Variants in ARHGEF9 observed in about 807,000 individuals in gnomAD.
ARHGEF9 encodes the protein rho guanine nucleotide exchange factor 9.
ARHGEF9 carries 2 observed loss-of-function variants against 41.3 expected under a neutral mutation model. The ratio of observed to expected loss-of-function variants is 0.05; its 90% confidence interval spans 0.02 to 0.15. The LOEUF is 0.15. Among genes scored for constraint, ARHGEF9 ranks in the 10% least tolerant of loss-of-function variants. The probability of loss-of-function intolerance (pLI) is 1.00; values close to 1 mark genes in which losing one functional copy is unlikely to be tolerated. For missense variants in ARHGEF9, 225 were observed against 424.7 expected, an observed-to-expected ratio of 0.53 and a Z score of 4.13; for synonymous variants, 160 against 154.4, an observed-to-expected ratio of 1.04 and a Z score of -0.27.
At chrX:63,753,464 C>T (rs781874868) in intron 1 of ARHGEF9, among the ~76,000 whole-genome samples, 2 of 110,744 alleles carry the variant, frequency 1.8e-5, no homozygotes, top group African/African-American at 3.3e-5. Flanking sequence ...TCATTGCAAA[C>T]GAGATTATCC....
intron 6 of ARHGEF9, among the ~76,000 whole-genome samples, chrX:63,667,918 G>A (rs1420651927): frequency 9.0e-6 from 1 of 110,851 alleles, no homozygotes; most frequent in Admixed American, 9.6e-5. Context: ...GCTGAGAGAG[G>A]TTCCCACCCT....
chrX:63,777,922 C>T (rs1426300837), intron 1 of ARHGEF9, among the ~76,000 whole-genome samples: 1 of 112,709 alleles, frequency 8.9e-6, no homozygotes, highest in African/African-American at 3.2e-5. Flanking sequence ...GCATTGAGTG[C>T]CCATGGCTTT....
intron 1 of ARHGEF9, among the ~76,000 whole-genome samples, chrX:63,775,105 C>A (rs1266412470): frequency 1.8e-5 from 2 of 112,136 alleles, no homozygotes; most frequent in Non-Finnish European, 3.8e-5. Context: ...TAGAGAAATG[C>A]AAATCAAAAC....
At chrX:63,754,742 G>C (rs1321826866) in intron 1 of ARHGEF9, 1 of 950,698 alleles carries the variant, frequency 1.1e-6, no homozygotes, top group Non-Finnish European at 1.3e-6. Flanking sequence ...AGTTTAGTCG[G>C]GGGAGGGGAG....
intron 1 of ARHGEF9, among the ~76,000 whole-genome samples, chrX:63,733,955 TAAC>T (rs1274547093): frequency 8.9e-6 from 1 of 112,609 alleles, no homozygotes; most frequent in Non-Finnish European, 1.9e-5. Flanking sequence ...CTGAGGCTAA[TAAC>T]AAAGAACAGC....
intron 1 of ARHGEF9, among the ~76,000 whole-genome samples, chrX:63,784,612 T>G (rs1477156439): frequency 8.9e-6 from 1 of 111,802 alleles, no homozygotes; most frequent in Non-Finnish European, 1.9e-5. Flanking sequence ...CTGGCCCTCA[T>G]GCTCTGGGGC....
intron 7 of ARHGEF9, among the ~76,000 whole-genome samples, chrX:63,663,033 T>C (rs1213247494): frequency 8.9e-6 from 1 of 111,765 alleles, no homozygotes; most frequent in African/African-American, 3.2e-5. Context: ...AGAATCCTTA[T>C]GAAAGTAGAG....
At chrX:63,724,396 AC>A (rs1389869484) in intron 2 of ARHGEF9, 135 bp downstream of exon 2, 18 of 685,708 alleles carry the variant, frequency 2.6e-5, no homozygotes, top group Non-Finnish European at 3.9e-5. Flanking sequence ...TCTGTATGAG[AC>A]AATTTTAAAA....
Position 63,678,457 on chromosome X carries a change from A to G in ARHGEF9, c.698T>C (p.Leu233Pro). Residue 233 changes from leucine (L) to proline (P), a missense_variant, in exon 5 of 10, where the codon CTC (leucine) becomes CCC (proline). By Grantham distance (98) the Leu-to-Pro change is moderately conservative (BLOSUM62 -3). Around this residue, in one of 3 missense-constraint regions of ARHGEF9, gnomAD observed 114 missense variants for 197.9 expected, o/e 0.58. Coordinates refer to ENST00000671741, the MANE Select transcript of ARHGEF9 (RefSeq NM_001353921.2). ...AGCAATGTCAATCATCTGCTGCAAGAGGCGACAGGCCTCAAAGAAGTGCTG... is the reference window on the plus strand; with the variant it reads ...AGCAATGTCAATCATCTGCTGCAAGGGGCGACAGGCCTCAAAGAAGTGCTG... The part of the protein sequence containing the change: ...RYQHFFEACR[L>P]LQQMIDIAID... The G allele has an allele frequency of 8.3e-7, 1 of 1,205,801 alleles. No homozygotes were observed. Among genetic ancestry groups the G allele is most frequent in the Non-Finnish European group, 1.1e-6 (1 of 892,276 alleles).
intron 1 of ARHGEF9, among the ~76,000 whole-genome samples, chrX:63,768,342 C>A (rs150078383): frequency 8.9e-6 from 1 of 112,071 alleles, no homozygotes; most frequent in Admixed American, 9.4e-5. Flanking sequence ...TAGTATTCCA[C>A]GGTGTTTATA....
At chrX:63,780,477 C>G (rs1267902574) in intron 1 of ARHGEF9, among the ~76,000 whole-genome samples, 1 of 110,897 alleles carries the variant, frequency 9.0e-6, no homozygotes, top group East Asian at 2.8e-4. Context: ...AGCAGACAAC[C>G]CTGAGTGCAA....
chrX:63,741,074 T>A (rs782366547), intron 1 of ARHGEF9, among the ~76,000 whole-genome samples: 2 of 112,817 alleles, frequency 1.8e-5, no homozygotes, highest in Admixed American at 9.3e-5. Flanking sequence ...TGTTATTTCA[T>A]TCCCAAGAAA....
chrX:63,737,347 G>A (rs1383993524), intron 1 of ARHGEF9, among the ~76,000 whole-genome samples: 4 of 112,159 alleles, frequency 3.6e-5, no homozygotes, highest in Non-Finnish European at 7.5e-5. Context: ...TGAGCCAGCT[G>A]TATTAAATTA....
intron 1 of ARHGEF9, among the ~76,000 whole-genome samples, chrX:63,749,282 A>G (rs1295686290): frequency 1.8e-5 from 2 of 111,055 alleles, no homozygotes; most frequent in African/African-American, 6.6e-5. Flanking sequence ...CCCAGGCTGG[A>G]GTGCAGTGGC....
intron 3 of ARHGEF9, among the ~76,000 whole-genome samples, chrX:63,701,166 A>T (rs1250920848): frequency 9.0e-6 from 1 of 111,175 alleles, no homozygotes; most frequent in Non-Finnish European, 1.9e-5. Context: ...AGATCTCCAG[A>T]AAAGATCCTA....
chrX:63,768,640 A>G (rs1398637836), intron 1 of ARHGEF9, among the ~76,000 whole-genome samples: 2 of 112,164 alleles, frequency 1.8e-5, no homozygotes, highest in Non-Finnish European at 3.8e-5. Flanking sequence ...TAATTGTAAT[A>G]ATTCCCACAT....
chrX:63,679,132 G>GA (rs1336851959), intron 4 of ARHGEF9, among the ~76,000 whole-genome samples: 5 of 111,395 alleles, frequency 4.5e-5, no homozygotes, highest in Non-Finnish European at 9.4e-5. Flanking sequence ...TAATGGCTGA[G>GA]AAAAAAATGT....
intron 1 of ARHGEF9, among the ~76,000 whole-genome samples, chrX:63,743,976 C>T: frequency 8.9e-6 from 1 of 111,795 alleles, no homozygotes; most frequent in East Asian, 2.8e-4. Flanking sequence ...AGACATGGGC[C>T]GGGTCACAGG....
At chrX:63,754,764 C>G in intron 1 of ARHGEF9, 3 of 948,789 alleles carry the variant, frequency 3.2e-6, no homozygotes, top group Non-Finnish European at 3.9e-6. Context: ...GGGATGGGGA[C>G]GGGGTGCTTG....
Sources: allele counts gnomAD v4.1 joint callset (sites outside exome capture counted in the v4.1 genomes callset), GRCh38; gene constraint gnomAD v4.1.1; regional missense constraint gnomAD v4.1.1; transcripts MANE v1.5; gene names NCBI Gene and HGNC (gene_info 2026-07-23, HGNC 2026-07-21).